The following MED13L variants were observed in gnomAD, a reference collection of about 807,000 sequenced individuals.
MED13L encodes mediator complex subunit 13L.
MED13L carries 7 observed loss-of-function variants against 220.9 expected under a neutral mutation model. The ratio of observed to expected loss-of-function variants is 0.03; its 90% CI spans 0.02 to 0.06. The LOEUF is 0.06. MED13L is among the 10% of genes least tolerant of loss of function. The pLI, the probability that MED13L is intolerant of heterozygous loss-of-function variation, is 1.00. For synonymous variants in MED13L, 1,011 were observed against 1,015.2 expected, an observed-to-expected ratio of 1.00 and a Z score of 0.08; for missense variants, 1,965 against 2,760.5, an observed-to-expected ratio of 0.71 and a Z score of 6.46.
At chr12:115,968,454 A>G (rs890351959) in intron 28 of MED13L, among the ~76,000 whole-genome samples, 2 of 152,224 alleles carry the variant, frequency 1.3e-5, no homozygotes, top group Non-Finnish European at 2.9e-5. Flanking sequence ...GGCTAGAAAG[A>G]AGAAGGCTGC....
intron 2 of MED13L, among the ~76,000 whole-genome samples, chr12:116,171,642 C>T (rs551529103): frequency 2.6e-5 from 4 of 152,298 alleles, no homozygotes; most frequent in African/African-American, 7.2e-5. Context: ...ATGAGCACAA[C>T]ACTCCAGATA....
chr12:116,202,589 A>C (rs1249983046), intron 2 of MED13L, among the ~76,000 whole-genome samples: 1 of 152,124 alleles, frequency 6.6e-6, no homozygotes, highest in Non-Finnish European at 1.5e-5. Flanking sequence ...TTAGAATTGC[A>C]ATTCTAACTG....
intron 16 of MED13L, among the ~76,000 whole-genome samples, chr12:115,994,510 T>C (rs1878275380): frequency 6.6e-6 from 1 of 152,066 alleles, no homozygotes; most frequent in Non-Finnish European, 1.5e-5. Flanking sequence ...CACATAAAGT[T>C]GTATAATAGA....
chr12:116,162,835 T>C (rs1277808315), intron 2 of MED13L, among the ~76,000 whole-genome samples: 1 of 152,214 alleles, frequency 6.6e-6, no homozygotes, highest in Non-Finnish European at 1.5e-5. Context: ...CTTAACATTT[T>C]AAATGGTAAA....
intron 4 of MED13L, among the ~76,000 whole-genome samples, chr12:116,075,975 G>A (rs1037258634): frequency 4.0e-5 from 6 of 148,852 alleles, no homozygotes; most frequent in Admixed American, 2.0e-4. Flanking sequence ...GTGCAGTGGC[G>A]CGATCTCGGC....
At chr12:116,137,127 A>T (rs952962982) in intron 2 of MED13L, among the ~76,000 whole-genome samples, 2 of 152,154 alleles carry the variant, frequency 1.3e-5, no homozygotes, top group Admixed American at 1.3e-4. Context: ...AATTTTGAGC[A>T]TCTCTAAACT....
At chr12:116,016,334 G>A (rs1879721964) in intron 7 of MED13L, among the ~76,000 whole-genome samples, 1 of 151,990 alleles carries the variant, frequency 6.6e-6, no homozygotes, top group Admixed American at 6.6e-5. Flanking sequence ...ATATTCTAAG[G>A]AAATGAAGCG....
At chr12:116,007,251 T>G in intron 11 of MED13L, 160 bp downstream of exon 11, 1 of 711,270 alleles carries the variant, frequency 1.4e-6, no homozygotes, top group South Asian at 1.6e-5. Context: ...AAAGGAACAA[T>G]ACGCTGTTCA....
intron 2 of MED13L, among the ~76,000 whole-genome samples, chr12:116,162,878 TAAA>T (rs1249589122): frequency 1.3e-5 from 2 of 152,154 alleles, no homozygotes; most frequent in African/African-American, 4.8e-5. Context: ...GAAGTCTTAT[TAAA>T]TCAAGACTTT....
chr12:116,088,789 CT>C, intron 4 of MED13L, among the ~76,000 whole-genome samples: 1 of 150,122 alleles, frequency 6.7e-6, no homozygotes, highest in East Asian at 1.9e-4. Context: ...TAACTCCTTG[CT>C]TAAAAAAGAA....
At chr12:116,082,707 CATATT>C in intron 4 of MED13L, 1 of 152,080 alleles carries the variant, frequency 6.6e-6, no homozygotes, top group Admixed American at 6.5e-5. Context: ...AAAAGAACTC[CATATT>C]ATATGTGAAA....
At chr12:116,141,132 C>T (rs917334736) in intron 2 of MED13L, among the ~76,000 whole-genome samples, 5 of 152,136 alleles carry the variant, frequency 3.3e-5, no homozygotes, top group African/African-American at 1.2e-4. Context: ...CTTCAAACCA[C>T]AACCTTATGA....
intron 4 of MED13L, among the ~76,000 whole-genome samples, chr12:116,079,061 T>A (rs543767820): frequency 6.6e-6 from 1 of 152,236 alleles, no homozygotes; most frequent in African/African-American, 2.4e-5. Context: ...AAGCCAGATA[T>A]TAAAGAAATT....
At chr12:116,246,609 A>G (rs950796765) in intron 1 of MED13L, among the ~76,000 whole-genome samples, 1 of 148,928 alleles carries the variant, frequency 6.7e-6, no homozygotes, top group Non-Finnish European at 1.5e-5. Flanking sequence ...CCTATTTGAG[A>G]CCAGCCTGGG....
rs1327657523 is a variant in MED13L at position 115,967,993 on chromosome 12, TC to T, written c.6225+946del. ...CTGGTCTTACCTGCTCTGTGACTAA[TC>T]TAAGCTATAAACCTTTTTTCTCTCC... On this transcript the variant is annotated intron_variant, in intron 28 of 30. Transcript: ENST00000281928. Among the ~76,000 whole-genome samples, 4 of 145,476 alleles carry T rather than the reference TC, an allele frequency of 2.7e-5. No individual in the cohort carries two copies. In the South Asian group the frequency reaches 6.6e-4, roughly 24 times the overall value.
intron 4 of MED13L, among the ~76,000 whole-genome samples, chr12:116,048,394 C>T (rs745512528): frequency 6.6e-6 from 1 of 152,098 alleles, no homozygotes; most frequent in Non-Finnish European, 1.5e-5. Context: ...GCACATCATA[C>T]ATCAAGGAAG....
chr12:116,161,871 A>C (rs17426718), intron 2 of MED13L, among the ~76,000 whole-genome samples: 22,980 of 152,134 alleles, frequency 0.15, 1,981 homozygotes, highest in Middle Eastern at 0.22. Flanking sequence ...CTATTTATCC[A>C]TATGCTCTCT....
At chr12:116,090,887 G>A (rs1053124225) in intron 4 of MED13L, among the ~76,000 whole-genome samples, 5 of 152,156 alleles carry the variant, frequency 3.3e-5, no homozygotes, top group Non-Finnish European at 7.4e-5. Context: ...CACTTTGGGA[G>A]GCCAAGGCAG....
intron 1 of MED13L, among the ~76,000 whole-genome samples, chr12:116,264,183 A>G (rs1046888558): frequency 6.6e-6 from 1 of 152,202 alleles, no homozygotes; most frequent in South Asian, 2.1e-4. Flanking sequence ...AACCCTTAAA[A>G]TAAGATTTTC....
Sources: gnomAD v4.1 joint callset for allele counts (sites outside exome capture counted in the v4.1 genomes callset) on GRCh38, gnomAD v4.1.1 for gene constraint, MANE v1.5 for transcripts, NCBI Gene and HGNC (gene_info 2026-07-23, HGNC 2026-07-21) for gene names.